Variants in PRR16 observed in about 807,000 individuals in gnomAD.
PRR16 encodes the protein protein Largen.
Under a neutral mutation model 18.2 loss-of-function variants are expected in PRR16, and 6 were observed. That is an observed-to-expected ratio of 0.33 (90% CI 0.18 to 0.65). PRR16 has a LOEUF of 0.65. Ranked by LOEUF, PRR16 falls within the 30% of genes least tolerant of loss-of-function variation. PRR16 has a pLI of 0.74. For missense variants in PRR16, 412 were observed against 376.6 expected, an observed-to-expected ratio of 1.09 and a Z score of -0.78; for synonymous variants, 151 against 147.8, an observed-to-expected ratio of 1.02 and a Z score of -0.16.
At chr5:120,775,871 C>A in the PRR16 span, among the ~76,000 whole-genome samples, 12 of 141,728 alleles carry the variant, frequency 8.5e-5, no homozygotes, top group Non-Finnish European at 1.8e-4. Flanking sequence ...TGGTCTCGAA[C>A]TCTTGACCTC....
chr5:120,720,733 T>G, the PRR16 span, among the ~76,000 whole-genome samples: 1 of 152,046 alleles, frequency 6.6e-6, no homozygotes, highest in East Asian at 1.9e-4. Flanking sequence ...TTTATTATAT[T>G]TGTATGTGTG....
rs187773216 is a variant in PRR16, at chr5:120,493,391, A to G, written c.159+28746A>G. Among the ~76,000 whole-genome samples, 132 of 152,222 alleles carry G rather than the reference A, an allele frequency of 8.7e-4. 2 individuals carry two copies. The highest frequency in any genetic ancestry group is 3.4e-3 in the Middle Eastern group (1 of 294). ...ATGTGATTGTGTTATAGACTACAGC[A>G]TCGCTTTTACACTTTTTTCTTCTCA... On this transcript the variant is annotated intron_variant, in intron 1 of 1. Coordinates refer to ENST00000407149, the MANE Select transcript of PRR16 (RefSeq NM_001300783.2).
chr5:120,481,082 T>G (rs1378663397), intron 1 of PRR16: 3 of 1,167,434 alleles, frequency 2.6e-6, no homozygotes, highest in Non-Finnish European at 3.3e-6. Flanking sequence ...CCCATCTAAT[T>G]CCCTTTGATA....
At chr5:120,559,063 T>G (rs1487612443) in intron 1 of PRR16, among the ~76,000 whole-genome samples, 3 of 152,044 alleles carry the variant, frequency 2.0e-5, no homozygotes, top group African/African-American at 7.2e-5. Flanking sequence ...GATGGGTAGT[T>G]TGCAAATATT....
chr5:120,617,126 T>G, intron 1 of PRR16: 1 of 985,274 alleles, frequency 1.0e-6, no homozygotes, highest in Non-Finnish European at 1.2e-6. Context: ...CCTCCCCACA[T>G]GATGAAACAG....
At chr5:120,765,207 A>T in the PRR16 span, among the ~76,000 whole-genome samples, 1 of 152,070 alleles carries the variant, frequency 6.6e-6, no homozygotes, top group Non-Finnish European at 1.5e-5. Flanking sequence ...TGACCAGAAA[A>T]TAATCTGTGA....
chr5:120,648,978 G>A (rs901931860), intron 1 of PRR16, among the ~76,000 whole-genome samples: 2 of 152,238 alleles, frequency 1.3e-5, no homozygotes, highest in South Asian at 2.1e-4. Context: ...GAAGTAACAC[G>A]TTTTGAATGG....
the PRR16 span, among the ~76,000 whole-genome samples, chr5:120,740,145 GTCT>G: frequency 6.6e-6 from 1 of 152,108 alleles, no homozygotes; most frequent in Non-Finnish European, 1.5e-5. Flanking sequence ...AGGGGCTTTG[GTCT>G]TTGCTTTTCT....
intron 1 of PRR16, among the ~76,000 whole-genome samples, chr5:120,555,801 GT>G (rs201939623): frequency 0.064 from 8,066 of 125,246 alleles, 223 homozygotes; most frequent in East Asian, 0.12. Context: ...ACCTAGAAAG[GT>G]TTTTTTTTTT....
chr5:120,758,347 A>T, the PRR16 span, among the ~76,000 whole-genome samples: 1 of 147,318 alleles, frequency 6.8e-6, no homozygotes, highest in African/African-American at 2.4e-5. Context: ...CCCCATATGC[A>T]TCAGCTCTTG....
chr5:120,671,719 A>G (rs1196530137), intron 1 of PRR16, among the ~76,000 whole-genome samples: 1 of 152,170 alleles, frequency 6.6e-6, no homozygotes, highest in Non-Finnish European at 1.5e-5. Flanking sequence ...AAAAATATTG[A>G]TAAGTGTAAT....
intron 1 of PRR16, among the ~76,000 whole-genome samples, chr5:120,545,378 T>C (rs1010434392): frequency 1.3e-5 from 2 of 152,142 alleles, no homozygotes; most frequent in Admixed American, 1.3e-4. Flanking sequence ...CTACATAATG[T>C]CAAGTTCATC....
chr5:120,732,069 A>C, the PRR16 span, among the ~76,000 whole-genome samples: 45 of 152,172 alleles, frequency 3.0e-4, no homozygotes, highest in Non-Finnish European at 6.5e-4. Flanking sequence ...CTATAGGAAA[A>C]CCAAAAAGAC....
At chr5:120,570,667 A>G (rs964219839) in intron 1 of PRR16, among the ~76,000 whole-genome samples, 1 of 152,270 alleles carries the variant, frequency 6.6e-6, no homozygotes, top group African/African-American at 2.4e-5. Context: ...ACTAGACAAT[A>G]GTGCATTAAG....
At chr5:120,677,810 C>T (rs1756847048) in intron 1 of PRR16, among the ~76,000 whole-genome samples, 1 of 150,670 alleles carries the variant, frequency 6.6e-6, no homozygotes, top group Admixed American at 6.6e-5. Flanking sequence ...TCTAAATGCA[C>T]TTAGTGCTAT....
intron 1 of PRR16, 123 bp downstream of exon 1, chr5:120,464,768 G>A: frequency 9.4e-7 from 1 of 1,059,226 alleles, no homozygotes. Flanking sequence ...AAAGGCGCCT[G>A]CAGACGGACT....
chr5:120,658,310 A>G (rs1299981197), intron 1 of PRR16: 1 of 148,290 alleles, frequency 6.7e-6, no homozygotes, highest in Non-Finnish European at 1.5e-5. Context: ...TAGGTTTTCG[A>G]TATTTCTGCA....
chr5:120,754,227 A>ATT, the PRR16 span, among the ~76,000 whole-genome samples: 1 of 58,262 alleles, frequency 1.7e-5, no homozygotes, highest in Non-Finnish European at 3.1e-5. Flanking sequence ...ATAATATATA[A>ATT]TATAATATAT....
intron 1 of PRR16, among the ~76,000 whole-genome samples, chr5:120,551,163 C>G (rs985324825): frequency 6.6e-6 from 1 of 151,972 alleles, no homozygotes; most frequent in Non-Finnish European, 1.5e-5. Flanking sequence ...ACCCTTTGAA[C>G]AACATGTCTT....
Sources: gnomAD v4.1 joint callset for allele counts (sites outside exome capture counted in the v4.1 genomes callset) on GRCh38, gnomAD v4.1.1 for gene constraint, MANE v1.5 for transcripts, NCBI Gene and HGNC (gene_info 2026-07-23, HGNC 2026-07-21) for gene names.